Variants in ANKRD16 observed in about 807,000 individuals in gnomAD.
ANKRD16 encodes the protein ankyrin repeat domain-containing protein 16.
ANKRD16 carries 35 observed loss-of-function variants against 37.9 expected under a neutral mutation model. The observed-to-expected ratio is 0.92, with a 90% CI of 0.71 to 1.23. The LOEUF is 1.23. ANKRD16 is among the 50% of genes most tolerant of loss of function. The probability of loss-of-function intolerance (pLI) is 0.00; values close to 1 mark genes in which losing one functional copy is unlikely to be tolerated. For synonymous variants in ANKRD16, 206 were observed against 197.2 expected (o/e 1.04, Z -0.37); for missense variants, 480 against 469.9 (o/e 1.02, Z -0.20).
chr10:5,886,511 A>T (rs1842425655), intron 2 of ANKRD16, among the ~76,000 whole-genome samples: 1 of 152,210 alleles, frequency 6.6e-6, no homozygotes, highest in South Asian at 2.1e-4. Flanking sequence ...GAATTGCTTG[A>T]ACCTGCGAGG....
chr10:5,876,234 C>A (rs958955599), intron 7 of ANKRD16, among the ~76,000 whole-genome samples: 1 of 152,188 alleles, frequency 6.6e-6, no homozygotes, highest in African/African-American at 2.4e-5. Context: ...TTAGTAGTTT[C>A]AGCAGTGGCA....
At position 5,871,862 on chromosome 10, in the gene ANKRD16, T is replaced by C. The variant is rs1246628354; in HGVS notation, c.*33+6235A>G. On this transcript the variant is annotated intron_variant, in intron 7 of 7. Transcript: ENST00000380094. The surrounding 1 kb of genome is among the most constrained non-coding windows in gnomAD (Gnocchi z 4.5). ...GAAAACTACTGTCCTGTCAAACTGC[T>C]TTCTTCTTTCCTTTCCTTCACCACA... is the stretch of plus-strand genomic sequence containing the variant. Among the ~76,000 whole-genome samples, 1 of 152,200 alleles carries C rather than the reference T, an allele frequency of 6.6e-6. No homozygotes were observed. The highest frequency in any genetic ancestry group is 1.5e-5 in the Non-Finnish European group (1 of 68,040).
chr10:5,882,768 G>A (rs549278497), intron 5 of ANKRD16: 3 of 351,542 alleles, frequency 8.5e-6, no homozygotes, highest in East Asian at 5.1e-5. Flanking sequence ...CTGTGTGTGA[G>A]GGGGAGGCAC....
Position 5,878,348 on chromosome 10 carries a change from A to C in ANKRD16, c.929-61T>G, listed in dbSNP as rs1245823190. 8.1e-5 allele frequency: 118 copies of C among 1,450,050 alleles called. No homozygotes were observed. The highest frequency in any genetic ancestry group is 2.2e-4 in the Middle Eastern group (1 of 4,590). The allele number at this position is 1,450,050 out of a possible 1,614,324, so 89.8% of individuals were successfully genotyped here. On this transcript the variant is annotated intron_variant, in intron 6 of 7. Transcript: ENST00000380094. The surrounding 1 kb of genome is among the most constrained non-coding windows in gnomAD (Gnocchi z 5.1). ...CAATCCCTGGAGCAATACTGACCTC[A>C]TGAGTTGATAGTGCCCAATAAAAAT... is the stretch of plus-strand genomic sequence containing the variant.
chr10:5,881,217 T>C (rs1333522059), intron 5 of ANKRD16: 1 of 311,708 alleles, frequency 3.2e-6, no homozygotes, highest in African/African-American at 2.3e-5. Flanking sequence ...GTGAGCCAAA[T>C]TACTGACCCA....
At position 5,874,963 on chromosome 10, in the gene ANKRD16, C is replaced by G. The variant is rs1323659; in HGVS notation, c.*33+3134G>C. ...AGGAGTGCATTATTGCATGTGGCAACAGTCCAGAAGGGGTAGTGATCAGTA... is the reference window on the plus strand; with the variant it reads ...AGGAGTGCATTATTGCATGTGGCAAGAGTCCAGAAGGGGTAGTGATCAGTA... On this transcript the variant is annotated intron_variant, in intron 7 of 7. Coordinates refer to ENST00000380094, the MANE Select transcript of ANKRD16 (RefSeq NM_019046.3). This position sits in a 1 kb window ranked among gnomAD's most constrained non-coding sequence, Gnocchi z 4.7. 0.91 allele frequency among the ~76,000 whole-genome samples: 138,754 copies of G among 152,172 alleles called. 63,310 individuals carry two copies. The highest frequency in any genetic ancestry group is 0.96 in the East Asian group (4,961 of 5,178).
chr10:5,872,596 G>A (rs577251948), intron 7 of ANKRD16, among the ~76,000 whole-genome samples: 94 of 151,526 alleles, frequency 6.2e-4, no homozygotes, highest in East Asian at 1.2e-3. Flanking sequence ...TCACTCTGTT[G>A]CCCAGGCTGG....
chr10:5,889,195 C>A lies in ANKRD16; in HGVS notation c.160G>T (p.Ala54Ser). The change falls in exon 1 of 8, where the codon GCC becomes TCC. Residue 54 changes from alanine to serine, a missense_variant. Physicochemically the swap from Ala to Ser is moderately conservative, Grantham distance 99 (BLOSUM62 1). Transcript: ENST00000380094. Reference protein sequence around the residue: ...AARHGHRDVLAYLAEAWGMDI... With the variant: ...AARHGHRDVLSYLAEAWGMDI... ...ATGCCCCAGGCCTCGGCCAGATAGG[C>A]CAGCACGTCCCGATGCCCGTGGCGC... The A allele has an allele frequency of 6.3e-7, 1 of 1,595,958 alleles. No individual in the cohort carries two copies. Among genetic ancestry groups the A allele is most frequent in the South Asian group, 1.1e-5 (1 of 90,780 alleles).
At chr10:5,875,657 T>C (rs1403149279) in intron 7 of ANKRD16, among the ~76,000 whole-genome samples, 1 of 151,972 alleles carries the variant, frequency 6.6e-6, no homozygotes, top group Non-Finnish European at 1.5e-5. Context: ...ATTATTGTTA[T>C]GGAAACATCT....
chr10:5,882,192 T>C (rs1051254416), intron 5 of ANKRD16, among the ~76,000 whole-genome samples: 14 of 152,174 alleles, frequency 9.2e-5, no homozygotes, highest in African/African-American at 2.7e-4. Context: ...GAGCACATCA[T>C]GTGTATCTAC....
rs1262189036 is a variant in ANKRD16, at chr10:5,870,294, C to T, written c.*34-7603G>A. On this transcript the variant is annotated intron_variant, in intron 7 of 7. Coordinates refer to ENST00000380094, the MANE Select transcript of ANKRD16 (RefSeq NM_019046.3). This position sits in a 1 kb window ranked among gnomAD's most constrained non-coding sequence, Gnocchi z 5.0. ...CAGTGCACCTGCGCAGTGAGGTCAGCTTCGCAGGGGCCCCCAGTGCACCCG... is the reference window on the plus strand; with the variant it reads ...CAGTGCACCTGCGCAGTGAGGTCAGTTTCGCAGGGGCCCCCAGTGCACCCG... Among the ~76,000 whole-genome samples the T allele has an allele frequency of 6.6e-6, 1 of 152,100 alleles. No individual in the cohort carries two copies. Among genetic ancestry groups the T allele is most frequent in the African/African-American group, 2.4e-5 (1 of 41,424 alleles).
At position 5,863,270 on chromosome 10, in the gene ANKRD16, G is replaced by A. The variant is rs559095269; in HGVS notation, c.*34-579C>T. Among the ~76,000 whole-genome samples, 2 of 152,000 alleles carry A rather than the reference G, an allele frequency of 1.3e-5. No homozygotes were observed. Among genetic ancestry groups the A allele is most frequent in the East Asian group, 3.9e-4 (2 of 5,176 alleles). Reference sequence around the variant, plus strand: ...TCCTCCAGATGGGTGGGCAGCACTGGGCCTGAGGTGAATGTTACTGTGCTG... The same window carrying A: ...TCCTCCAGATGGGTGGGCAGCACTGAGCCTGAGGTGAATGTTACTGTGCTG... On this transcript the variant is annotated intron_variant, in intron 7 of 7. Transcript: ENST00000380094. This position sits in a 1 kb window ranked among gnomAD's most constrained non-coding sequence, Gnocchi z 4.7.
Position 5,866,986 on chromosome 10 carries a change from A to T in ANKRD16, c.*34-4295T>A, listed in dbSNP as rs1043588379. On this transcript the variant is annotated intron_variant, in intron 7 of 7. Transcript: ENST00000380094. This position sits in a 1 kb window ranked among gnomAD's most constrained non-coding sequence, Gnocchi z 4.3. Reference sequence around the variant, plus strand: ...AGAAGGAGAGAGAAAGACAAAGAAGAAGTCAAAGAGAAAGAAAGAGAGATG... The same window carrying T: ...AGAAGGAGAGAGAAAGACAAAGAAGTAGTCAAAGAGAAAGAAAGAGAGATG... Among the ~76,000 whole-genome samples the T allele has an allele frequency of 6.6e-6, 1 of 152,164 alleles. No homozygotes were observed. The highest frequency in any genetic ancestry group is 2.4e-5 in the African/African-American group (1 of 41,438).
rs1232215718 is a variant in ANKRD16, at chr10:5,878,743, A to G, written c.929-456T>C. ...AACCCAGGAGGTGGCGGTTGCAGTG[A>G]GCACTGCACGCCAGCCTGGGTGACA... On this transcript the variant is annotated intron_variant, in intron 6 of 7. Transcript: ENST00000380094. The surrounding 1 kb of genome is among the most constrained non-coding windows in gnomAD (Gnocchi z 5.1). Among the ~76,000 whole-genome samples, 3 of 151,440 alleles carry G rather than the reference A, an allele frequency of 2.0e-5. No homozygotes were observed. Among genetic ancestry groups the G allele is most frequent in the Non-Finnish European group, 4.4e-5 (3 of 67,882 alleles).
chr10:5,875,018 G>A (rs1339019574), intron 7 of ANKRD16, among the ~76,000 whole-genome samples: 4 of 152,128 alleles, frequency 2.6e-5, no homozygotes, highest in Non-Finnish European at 5.9e-5. Flanking sequence ...TAATCTAAGG[G>A]CTAAAAGTAC....
At chr10:5,872,746 C>CG (rs1564414903) in intron 7 of ANKRD16, among the ~76,000 whole-genome samples, 1 of 151,652 alleles carries the variant, frequency 6.6e-6, no homozygotes, top group African/African-American at 2.4e-5. Flanking sequence ...TTAGTAGAGA[C>CG]GGGATTTCAC....
At chr10:5,888,929 G>A in intron 1 of ANKRD16, 112 bp downstream of exon 1, 1 of 1,223,498 alleles carries the variant, frequency 8.2e-7, no homozygotes, top group Non-Finnish European at 1.1e-6. Context: ...CCTGGGGTGA[G>A]AACTAGGAGC....
At chr10:5,883,796 C>G (rs990531008) in intron 4 of ANKRD16, among the ~76,000 whole-genome samples, 173 bp downstream of exon 4, 1 of 152,174 alleles carries the variant, frequency 6.6e-6, no homozygotes, top group African/African-American at 2.4e-5. Flanking sequence ...ACATTTCTCT[C>G]CATTTTACAG....
At chr10:5,886,546 G>A (rs900504687) in intron 2 of ANKRD16, among the ~76,000 whole-genome samples, 11 of 152,106 alleles carry the variant, frequency 7.2e-5, no homozygotes, top group Admixed American at 4.6e-4. Flanking sequence ...AGCCGAGATC[G>A]TGCCACTGTA....
Sources: allele counts gnomAD v4.1 joint callset (sites outside exome capture counted in the v4.1 genomes callset), GRCh38; gene constraint gnomAD v4.1.1; non-coding constraint Gnocchi (gnomAD v3.1); transcripts MANE v1.5; gene names NCBI Gene and HGNC (gene_info 2026-07-23, HGNC 2026-07-21).